Variants in FRMPD4 observed in about 807,000 individuals in gnomAD.
FRMPD4 encodes the protein FERM and PDZ domain-containing protein 4.
Under a neutral mutation model 94.1 loss-of-function variants are expected in FRMPD4, and 22 were observed. The ratio of observed to expected loss-of-function variants is 0.23; its 90% CI spans 0.17 to 0.33. FRMPD4 has a LOEUF of 0.33. Among genes scored for constraint, FRMPD4 ranks in the 10% least tolerant of loss-of-function variants. The probability of loss-of-function intolerance (pLI) is 1.00; values close to 1 mark genes in which losing one functional copy is unlikely to be tolerated. For synonymous variants in FRMPD4, 631 were observed against 548.6 expected (o/e 1.15, Z -2.10); for missense variants, 1,111 against 1,339.9 (o/e 0.83, Z 2.67).
At chrX:12,111,366 C>T (rs1444438428) in intron 3 of FRMPD4, among the ~76,000 whole-genome samples, 7 of 111,428 alleles carry the variant, frequency 6.3e-5, no homozygotes, top group Non-Finnish European at 1.1e-4. Context: ...TGGCTAGCCA[C>T]ATGTAGAAAG....
At chrX:11,852,488 G>A (rs1159992147) in intron 1 of FRMPD4, among the ~76,000 whole-genome samples, 2 of 107,563 alleles carry the variant, frequency 1.9e-5, no homozygotes, top group East Asian at 2.9e-4. Flanking sequence ...AATATACTTC[G>A]TTATGATTTC....
intron 2 of FRMPD4, among the ~76,000 whole-genome samples, chrX:12,591,881 A>G (rs1039968808): frequency 9.0e-6 from 1 of 111,430 alleles, no homozygotes; most frequent in Non-Finnish European, 1.9e-5. Flanking sequence ...GAGTACTTTG[A>G]ACTAAAGAAG....
chrX:12,007,984 G>A (rs1263050591), intron 3 of FRMPD4, among the ~76,000 whole-genome samples: 1 of 111,863 alleles, frequency 8.9e-6, no homozygotes, highest in Admixed American at 9.5e-5. Context: ...GAGGGGGAAG[G>A]AGAGAGACAC....
At chrX:12,003,386 AGTGT>A (rs34756228) in intron 3 of FRMPD4, among the ~76,000 whole-genome samples, 119 of 102,180 alleles carry the variant, frequency 1.2e-3, no homozygotes, top group Middle Eastern at 5.0e-3. Context: ...CAGTTTGGCA[AGTGT>A]GTGTGTGTGT....
intron 1 of FRMPD4, among the ~76,000 whole-genome samples, chrX:12,396,782 A>C (rs1459250928): frequency 8.9e-6 from 1 of 112,307 alleles, no homozygotes; most frequent in Non-Finnish European, 1.9e-5. Flanking sequence ...ATTTGTAAGC[A>C]ATTTTAATGC....
intron 2 of FRMPD4, among the ~76,000 whole-genome samples, chrX:12,602,610 A>C (rs2059094872): frequency 8.9e-6 from 1 of 112,301 alleles, no homozygotes; most frequent in African/African-American, 3.2e-5. Context: ...GACTAGATGC[A>C]TGAGCTTTTG....
intron 1 of FRMPD4, among the ~76,000 whole-genome samples, chrX:12,284,822 GCCTGTTT>G (rs1373847790): frequency 3.6e-5 from 4 of 111,973 alleles, no homozygotes; most frequent in Non-Finnish European, 7.5e-5. Flanking sequence ...TCACTAGACA[GCCTGTTT>G]TCTAATTCTG....
rs2057086449 is a variant in FRMPD4 at position 12,237,754 on chromosome X, CACA to C, written c.41+98746_41+98748del. ...GTTTTGAAGAGGGGTAAGGAGTTGG[CACA>C]ACATTTCCAGAAGCTGATCAGAAAA... On this transcript the variant is annotated intron_variant, in intron 1 of 16. Coordinates refer to ENST00000675598, the MANE Select transcript of FRMPD4 (RefSeq NM_001368397.1). Among the ~76,000 whole-genome samples the C allele has an allele frequency of 3.6e-5, 4 of 112,300 alleles. No individual in the cohort carries two copies. The South Asian group carries it at 1.5e-3, about 42-fold the overall frequency.
chrX:12,716,302 G>A lies in FRMPD4; in HGVS notation c.1843G>A (p.Glu615Lys). ...GLNQQLSQPGEAPCEADYRSL... is the reference protein window; with the variant it reads ...GLNQQLSQPGKAPCEADYRSL... ...TAACCAGCAGCTGAGCCAGCCCGGG[G>A]AGGCCCCCTGTGAGGCAGACTACAG... Residue 615 changes from glutamate to lysine, a missense_variant, in exon 15 of 17, where the codon GAG (glutamate) becomes AAG (lysine). By Grantham distance (56) the Glu-to-Lys change is moderately conservative. Transcript: ENST00000675598. 1 of 1,211,008 alleles carries A rather than the reference G, an allele frequency of 8.3e-7. No homozygotes were observed. Among genetic ancestry groups the A allele is most frequent in the Non-Finnish European group, 1.1e-6 (1 of 894,631 alleles).
At chrX:12,672,349 C>T (rs182748752) in intron 4 of FRMPD4, among the ~76,000 whole-genome samples, 48 of 111,809 alleles carry the variant, frequency 4.3e-4, no homozygotes, top group Non-Finnish European at 7.3e-4. Flanking sequence ...TATATTTCTG[C>T]GAAGGCCCTC....
chrX:12,086,355 T>A (rs1285434512), intron 3 of FRMPD4, among the ~76,000 whole-genome samples: 1 of 112,376 alleles, frequency 8.9e-6, no homozygotes, highest in Non-Finnish European at 1.9e-5. Context: ...ACTCTGAAAC[T>A]GTTTTGTTGT....
chrX:12,084,918 G>A (rs982620291), intron 3 of FRMPD4, among the ~76,000 whole-genome samples: 1 of 112,211 alleles, frequency 8.9e-6, no homozygotes, highest in African/African-American at 3.2e-5. Flanking sequence ...CGAGAAAAGT[G>A]TTGGGGAAAA....
chrX:12,248,478 C>T (rs1039641376), intron 1 of FRMPD4, among the ~76,000 whole-genome samples: 4 of 112,214 alleles, frequency 3.6e-5, no homozygotes, highest in African/African-American at 1.3e-4. Context: ...TTCTTAGTTT[C>T]TTAGGGAAAT....
rs186577855 is a variant in FRMPD4 at position 12,007,939 on chromosome X, A to G, written c.95+129921A>G. Among the ~76,000 whole-genome samples the G allele has an allele frequency of 1.3e-4, 14 of 111,736 alleles. No homozygotes were observed. The Admixed American group carries it at 1.3e-3, about 11-fold the overall frequency. On this transcript the variant is annotated intron_variant, in intron 3 of 18. Transcript: ENST00000640291. ...GGCACAGGATGGACCCCATGCCCCC[A>G]TGAATGCTAGGAGGGTAAGGACACT...
In FRMPD4 at chrX:12,687,652, T is replaced by C. The variant is rs1380307899; in HGVS notation, c.681+1448T>C. On this transcript the variant is annotated intron_variant, in intron 7 of 16. Transcript: ENST00000675598. Reference sequence around the variant, plus strand: ...CATATTATAGCAAAAGAATACAGAATAGAATTAGCAATGGGAAAGGCTCAT... The same window carrying C: ...CATATTATAGCAAAAGAATACAGAACAGAATTAGCAATGGGAAAGGCTCAT... Among the ~76,000 whole-genome samples the C allele has an allele frequency of 1.4e-4, 16 of 112,160 alleles. 1 individual carries two copies. Among genetic ancestry groups the C allele is most frequent in the Non-Finnish European group, 5.6e-5 (3 of 53,218 alleles).
At chrX:11,911,068 T>C (rs191295417) in intron 3 of FRMPD4, among the ~76,000 whole-genome samples, 16 of 112,295 alleles carry the variant, frequency 1.4e-4, no homozygotes, top group African/African-American at 5.2e-4. Flanking sequence ...TGTAAAGGGA[T>C]AGATGGTTAG....
intron 1 of FRMPD4, among the ~76,000 whole-genome samples, chrX:12,181,900 C>G (rs1317020865): frequency 9.0e-6 from 1 of 111,530 alleles, no homozygotes; most frequent in African/African-American, 3.3e-5. Context: ...TTTTTCCCTC[C>G]CATTAGCAGC....
At chrX:12,416,484 T>C (rs888269343) in intron 1 of FRMPD4, among the ~76,000 whole-genome samples, 2 of 112,468 alleles carry the variant, frequency 1.8e-5, no homozygotes, top group African/African-American at 6.4e-5. Flanking sequence ...AACACAGTTC[T>C]ATTACTCTCT....
At chrX:12,098,272 GAA>G (rs5901461) in intron 3 of FRMPD4, among the ~76,000 whole-genome samples, 51,439 of 102,662 alleles carry the variant, frequency 0.5, 10,676 homozygotes, top group Non-Finnish European at 0.67. Flanking sequence ...GAAAGAAAAA[GAA>G]AAAAAAAAAA....
Sources: gnomAD v4.1 joint callset for allele counts (sites outside exome capture counted in the v4.1 genomes callset) on GRCh38, gnomAD v4.1.1 for gene constraint, MANE v1.5 for transcripts, NCBI Gene and HGNC (gene_info 2026-07-23, HGNC 2026-07-21) for gene names.